Variants in HS2ST1 observed in about 807,000 individuals in gnomAD.
HS2ST1 encodes heparan sulfate 2-O-sulfotransferase 1.
Under a neutral mutation model 42.9 loss-of-function variants are expected in HS2ST1, and 18 were observed. The observed-to-expected ratio is 0.42, with a 90% CI of 0.29 to 0.62. The LOEUF is 0.62. Ranked by LOEUF, HS2ST1 falls within the 20% of genes least tolerant of loss-of-function variation. HS2ST1 has a pLI of 0.21. For synonymous variants in HS2ST1, 146 were observed against 152.9 expected (o/e 0.95, Z 0.33); for missense variants, 334 against 433.8 (o/e 0.77, Z 2.04).
intron 1 of HS2ST1, among the ~76,000 whole-genome samples, chr1:86,954,075 G>C (rs954841893): frequency 3.4e-5 from 5 of 148,836 alleles, no homozygotes; most frequent in African/African-American, 1.3e-4. Flanking sequence ...AAAAAGGCCG[G>C]GCTTGGTGGC....
chr1:87,027,695 T>G (rs1031490673), intron 1 of HS2ST1, among the ~76,000 whole-genome samples: 3 of 152,104 alleles, frequency 2.0e-5, no homozygotes, highest in African/African-American at 7.2e-5. Context: ...ACATAGATGT[T>G]TTTTCTTTTT....
chr1:87,046,556 A>C, intron 1 of HS2ST1: 1 of 1,570,936 alleles, frequency 6.4e-7, no homozygotes. Context: ...TCTGTTGATA[A>C]TGGACAAACT....
At chr1:87,004,177 G>T (rs531615610) in intron 1 of HS2ST1, among the ~76,000 whole-genome samples, 4 of 152,056 alleles carry the variant, frequency 2.6e-5, no homozygotes, top group African/African-American at 9.7e-5. Context: ...GATCACCTGA[G>T]GTCAGAAGTT....
intron 1 of HS2ST1, among the ~76,000 whole-genome samples, chr1:87,022,004 A>G (rs765062503): frequency 1.3e-5 from 2 of 152,246 alleles, no homozygotes; most frequent in East Asian, 3.8e-4. Context: ...GTTAATTTCT[A>G]TGTATGGAGG....
At chr1:87,041,418 A>G (rs1283264695) in intron 1 of HS2ST1, among the ~76,000 whole-genome samples, 1 of 151,752 alleles carries the variant, frequency 6.6e-6, no homozygotes, top group African/African-American at 2.4e-5. Context: ...AAAAAGAAGA[A>G]ATAAATTAAA....
intron 2 of HS2ST1, among the ~76,000 whole-genome samples, chr1:87,078,313 A>G (rs1372110591): frequency 6.6e-6 from 1 of 152,176 alleles, no homozygotes; most frequent in Non-Finnish European, 1.5e-5. Flanking sequence ...TTTTCCTGTA[A>G]CATCAGTTTA....
At chr1:86,936,745 A>T (rs1285242297) in intron 1 of HS2ST1, among the ~76,000 whole-genome samples, 2 of 152,112 alleles carry the variant, frequency 1.3e-5, no homozygotes, top group African/African-American at 2.4e-5. Context: ...TCAATTGTAA[A>T]CTATTCAGAT....
At chr1:86,997,472 C>T (rs1306500043) in intron 1 of HS2ST1, among the ~76,000 whole-genome samples, 1 of 145,196 alleles carries the variant, frequency 6.9e-6, no homozygotes, top group East Asian at 2.1e-4. Flanking sequence ...GATATATTCA[C>T]CTGTGTAAAT....
At chr1:86,942,475 G>A (rs1362383833) in intron 1 of HS2ST1, among the ~76,000 whole-genome samples, 1 of 152,152 alleles carries the variant, frequency 6.6e-6, no homozygotes, top group African/African-American at 2.4e-5. Flanking sequence ...GAAGAGGGTG[G>A]AACAACAGCA....
chr1:87,041,109 T>C (rs1650509063), intron 1 of HS2ST1, among the ~76,000 whole-genome samples: 1 of 151,872 alleles, frequency 6.6e-6, no homozygotes, highest in African/African-American at 2.4e-5. Context: ...ATTCTGATTG[T>C]TGTTTACTTT....
At chr1:87,075,635 CTT>C (rs1651521757) in intron 2 of HS2ST1, among the ~76,000 whole-genome samples, 1 of 152,122 alleles carries the variant, frequency 6.6e-6, no homozygotes, top group Admixed American at 6.6e-5. Flanking sequence ...TGACCATCCT[CTT>C]TATTCCCTCA....
At chr1:87,011,670 C>T (rs894930261) in intron 1 of HS2ST1, among the ~76,000 whole-genome samples, 1 of 152,172 alleles carries the variant, frequency 6.6e-6, no homozygotes, top group Admixed American at 6.5e-5. Flanking sequence ...TATAGGACAG[C>T]CATCTGTCTT....
At chr1:87,045,018 C>G in intron 1 of HS2ST1, 1 of 1,479,426 alleles carries the variant, frequency 6.8e-7, no homozygotes, top group Non-Finnish European at 9.4e-7. Context: ...GTCTGATTTC[C>G]TCTTGCGGCT....
chr1:86,953,592 T>C (rs567199917), intron 1 of HS2ST1, among the ~76,000 whole-genome samples: 1 of 152,158 alleles, frequency 6.6e-6, no homozygotes, highest in Admixed American at 6.5e-5. Context: ...AAACCCTGTC[T>C]CTACTAAAAA....
chr1:87,025,800 TC>T, intron 1 of HS2ST1, among the ~76,000 whole-genome samples: 1 of 152,314 alleles, frequency 6.6e-6, no homozygotes, highest in South Asian at 2.1e-4. Flanking sequence ...ACCTTTTCCT[TC>T]TTTATTGCAT....
chr1:87,057,041 A>C (rs1427873963), intron 1 of HS2ST1, among the ~76,000 whole-genome samples: 1 of 152,214 alleles, frequency 6.6e-6, no homozygotes, highest in East Asian at 1.9e-4. Flanking sequence ...AATATTTTGA[A>C]TGGAGAAGCA....
At chr1:86,928,246 TA>T (rs1457681079) in intron 1 of HS2ST1, among the ~76,000 whole-genome samples, 1 of 151,986 alleles carries the variant, frequency 6.6e-6, no homozygotes, top group Non-Finnish European at 1.5e-5. Flanking sequence ...TTTTCAGTGA[TA>T]AAAAATATAC....
intron 4 of HS2ST1, among the ~76,000 whole-genome samples, chr1:87,096,338 T>C (rs1652065887): frequency 1.3e-5 from 2 of 152,176 alleles, no homozygotes; most frequent in African/African-American, 4.8e-5. Context: ...ACATCATACA[T>C]TGGTCATTTG....
chr1:87,055,951 C>T (rs1039040098), intron 1 of HS2ST1, among the ~76,000 whole-genome samples: 4 of 152,268 alleles, frequency 2.6e-5, no homozygotes, highest in Non-Finnish European at 5.9e-5. Context: ...CTTCTGCATA[C>T]CAGAGTACAG....
Sources: allele counts gnomAD v4.1 joint callset (sites outside exome capture counted in the v4.1 genomes callset), GRCh38; gene constraint gnomAD v4.1.1; transcripts MANE v1.5; gene names NCBI Gene and HGNC (gene_info 2026-07-23, HGNC 2026-07-21).